Variants in AGAP1 observed in about 807,000 individuals in gnomAD.
AGAP1 encodes the protein ArfGAP with GTPase domain, ankyrin repeat and PH domain 1.
A neutral mutation model predicts 105.3 loss-of-function variants in AGAP1; 29 were observed. That is an observed-to-expected ratio of 0.28 (90% CI 0.21 to 0.38). The LOEUF (loss-of-function observed/expected upper bound fraction) is 0.38, where lower values mean the gene tolerates loss of function less well. Among genes scored for constraint, AGAP1 ranks in the 10% least tolerant of loss-of-function variants. The pLI, the probability that AGAP1 is intolerant of heterozygous loss-of-function variation, is 1.00. For missense variants in AGAP1, 998 were observed against 1,165.1 expected, an observed-to-expected ratio of 0.86 and a Z score of 2.09; for synonymous variants, 509 against 485.9, an observed-to-expected ratio of 1.05 and a Z score of -0.63.
intron 9 of AGAP1, among the ~76,000 whole-genome samples, chr2:235,854,303 C>T (rs979336561): frequency 6.6e-6 from 1 of 152,234 alleles, no homozygotes; most frequent in South Asian, 2.1e-4. Context: ...AGACCCCGCT[C>T]CTCCCCCGCA....
intron 16 of AGAP1, among the ~76,000 whole-genome samples, chr2:236,091,922 A>G (rs186926273): frequency 1.2e-3 from 176 of 152,372 alleles, no homozygotes; most frequent in Middle Eastern, 3.4e-3. Flanking sequence ...CACACTGTGG[A>G]AAACTACTTG....
intron 9 of AGAP1, among the ~76,000 whole-genome samples, chr2:235,859,390 A>AC (rs1464279454): frequency 3.0e-3 from 65 of 21,390 alleles, no homozygotes; most frequent in Non-Finnish European, 5.5e-3. Flanking sequence ...TCCCCCCACA[A>AC]CCTCCCCCCC....
chr2:235,938,623 G>A (rs2053102875), intron 12 of AGAP1, among the ~76,000 whole-genome samples: 2 of 152,230 alleles, frequency 1.3e-5, no homozygotes, highest in Admixed American at 1.3e-4. Flanking sequence ...AGGCTTGGGT[G>A]TGGTTTGTCT....
At chr2:235,984,507 A>AT (rs1553697082) in intron 13 of AGAP1, among the ~76,000 whole-genome samples, 1 of 151,504 alleles carries the variant, frequency 6.6e-6, no homozygotes, top group Non-Finnish European at 1.5e-5. Context: ...AAAAAAAAAA[A>AT]ATAGATGCGC....
chr2:236,013,368 C>T (rs890082663), intron 13 of AGAP1, among the ~76,000 whole-genome samples: 10 of 152,174 alleles, frequency 6.6e-5, no homozygotes, highest in African/African-American at 2.2e-4. Flanking sequence ...TTGGTGCACA[C>T]GCCGAACCTA....
rs890820017 is a variant in AGAP1 at position 235,962,869 on chromosome 2, A to G, written c.1484-5593A>G. Among the ~76,000 whole-genome samples, 1 of 152,090 alleles carries G rather than the reference A, an allele frequency of 6.6e-6. No individual in the cohort carries two copies. Among genetic ancestry groups the G allele is most frequent in the Non-Finnish European group, 1.5e-5 (1 of 68,018 alleles). ...TTTTTCAGCACCTCTGGCTTCTACCATCTGATGCCTGTAGCACCTCCACTC... is the reference window on the plus strand; with the variant it reads ...TTTTTCAGCACCTCTGGCTTCTACCGTCTGATGCCTGTAGCACCTCCACTC... On this transcript the variant is annotated intron_variant, in intron 12 of 17. Transcript: ENST00000304032. The surrounding 1 kb of genome is among the most constrained non-coding windows in gnomAD (Gnocchi z 5.3).
chr2:235,806,193 T>C (rs944032174), intron 8 of AGAP1, among the ~76,000 whole-genome samples: 19 of 152,202 alleles, frequency 1.2e-4, no homozygotes, highest in African/African-American at 4.6e-4. Context: ...ATTGTAGCAG[T>C]GGACACCACA....
At chr2:235,762,058 G>A (rs1467051245) in intron 6 of AGAP1, among the ~76,000 whole-genome samples, 2 of 150,088 alleles carry the variant, frequency 1.3e-5, no homozygotes, top group South Asian at 2.1e-4. Context: ...CCAGTGAGCC[G>A]AGATTGTGCC....
At chr2:235,671,266 C>T (rs910940479) in intron 1 of AGAP1, among the ~76,000 whole-genome samples, 23 of 152,316 alleles carry the variant, frequency 1.5e-4, no homozygotes, top group East Asian at 5.8e-4. Flanking sequence ...GTGCTGGTGC[C>T]CCTCGGAGTC....
At chr2:235,996,714 G>A (rs1197686957) in intron 13 of AGAP1, among the ~76,000 whole-genome samples, 1 of 152,206 alleles carries the variant, frequency 6.6e-6, no homozygotes, top group Admixed American at 6.5e-5. Context: ...GATGCCAAGG[G>A]CCTGAAATCT....
Position 236,005,947 on chromosome 2 carries a change from G to A in AGAP1, c.1646-30614G>A, listed in dbSNP as rs1367816437. Among the ~76,000 whole-genome samples, 1 of 152,180 alleles carries A rather than the reference G, an allele frequency of 6.6e-6. No homozygotes were observed. Among genetic ancestry groups the A allele is most frequent in the Non-Finnish European group, 1.5e-5 (1 of 68,028 alleles). ...ACAGCCCATACTGAACTTTTGGAAG[G>A]AAGTCACTGTGCACTTAAGGAGTTG... is the stretch of plus-strand genomic sequence containing the variant. On this transcript the variant is annotated intron_variant, in intron 13 of 17. Coordinates refer to ENST00000304032, the MANE Select transcript of AGAP1 (RefSeq NM_001037131.3). This position sits in a 1 kb window ranked among gnomAD's most constrained non-coding sequence, Gnocchi z 4.1.
rs145700440 is a variant in AGAP1, at chr2:236,078,155, G to GGTGT, written c.2114+28891_2114+28894dup. 5.5e-5 allele frequency among the ~76,000 whole-genome samples: 8 copies of GGTGT among 146,474 alleles called. No individual in the cohort carries two copies. Among genetic ancestry groups the GGTGT allele is most frequent in the East Asian group, 2.0e-4 (1 of 5,002 alleles). ...AAGTGTGTAGGGCAGGCCAGCCGGG[G>GGTGT]GTGTGTGTGTGTGTGTGTGTATATG... On this transcript the variant is annotated intron_variant, in intron 16 of 17. Transcript: ENST00000304032. This position sits in a 1 kb window ranked among gnomAD's most constrained non-coding sequence, Gnocchi z 5.3.
Position 235,879,184 on chromosome 2 carries a change from C to T in AGAP1, c.1051-4161C>T, listed in dbSNP as rs1193389629. ...TTTCAGGGAGCCATGGCTTCCATAA[C>T]TTCGCTGCCCCTGACTTGTTCCTTT... On this transcript the variant is annotated intron_variant, in intron 9 of 17. Transcript: ENST00000304032. This position sits in a 1 kb window ranked among gnomAD's most constrained non-coding sequence, Gnocchi z 5.0. Among the ~76,000 whole-genome samples, 1 of 152,226 alleles carries T rather than the reference C, an allele frequency of 6.6e-6. No homozygotes were observed. The highest frequency in any genetic ancestry group is 2.4e-5 in the African/African-American group (1 of 41,456).
Position 235,564,115 on chromosome 2 carries a change from G to A in AGAP1, c.163+69266G>A, listed in dbSNP as rs140946672. Among the ~76,000 whole-genome samples the A allele has an allele frequency of 7.2e-5, 11 of 152,298 alleles. 1 individual carries two copies. The highest frequency in any genetic ancestry group is 4.6e-4 in the Admixed American group (7 of 15,292). ...TTACAATTAGCTTTTGTCAATGTACGTTTTTTCTTTAGTCCACACAACCTT... is the reference window on the plus strand; with the variant it reads ...TTACAATTAGCTTTTGTCAATGTACATTTTTTCTTTAGTCCACACAACCTT... On this transcript the variant is annotated intron_variant, in intron 1 of 17. Transcript: ENST00000304032.
chr2:235,770,503 C>T (rs1047186278), intron 6 of AGAP1, among the ~76,000 whole-genome samples: 6 of 152,126 alleles, frequency 3.9e-5, no homozygotes, highest in African/African-American at 1.4e-4. Context: ...TCTCGGCTCA[C>T]TGCAACTGCC....
At position 235,874,441 on chromosome 2, in the gene AGAP1, A is replaced by G. The variant is rs2049609072; in HGVS notation, c.1051-8904A>G. On this transcript the variant is annotated intron_variant, in intron 9 of 17. Transcript: ENST00000304032. The surrounding 1 kb of genome is among the most constrained non-coding windows in gnomAD (Gnocchi z 4.5). ...GGGGCGCTGCAGCAGCTTCTCAGAC[A>G]TGGCTGCCCTCATGCCTCCTTGGGG... Among the ~76,000 whole-genome samples the G allele has an allele frequency of 6.6e-6, 1 of 152,166 alleles. No individual in the cohort carries two copies. Among genetic ancestry groups the G allele is most frequent in the Non-Finnish European group, 1.5e-5 (1 of 68,032 alleles).
intron 16 of AGAP1, among the ~76,000 whole-genome samples, chr2:236,060,092 A>G (rs979181634): frequency 6.6e-6 from 1 of 152,134 alleles, no homozygotes; most frequent in African/African-American, 2.4e-5. Flanking sequence ...CTTCGTCTCA[A>G]AACACACACA....
chr2:235,780,061 G>A (rs546980852), intron 6 of AGAP1, among the ~76,000 whole-genome samples: 11 of 152,310 alleles, frequency 7.2e-5, no homozygotes, highest in East Asian at 1.9e-4. Context: ...GTATCACCAC[G>A]TTAGCCTAAA....
intron 1 of AGAP1, among the ~76,000 whole-genome samples, chr2:235,658,285 C>T (rs770002374): frequency 2.6e-5 from 4 of 152,100 alleles, no homozygotes; most frequent in Admixed American, 2.0e-4. Context: ...TTAGAAATAA[C>T]GGTGCTGCTA....
Sources: allele counts gnomAD v4.1 joint callset (sites outside exome capture counted in the v4.1 genomes callset), GRCh38; gene constraint gnomAD v4.1.1; non-coding constraint Gnocchi (gnomAD v3.1); transcripts MANE v1.5; gene names NCBI Gene and HGNC (gene_info 2026-07-23, HGNC 2026-07-21).